ZMIZ1: variants seen among roughly 807,000 people sequenced by gnomAD.
ZMIZ1 encodes zinc finger MIZ-type containing 1.
In ZMIZ1, 17 loss-of-function variants were observed where a neutral mutation model predicts 113.9. The observed-to-expected ratio is 0.15, with a 90% confidence interval of 0.10 to 0.22. The LOEUF is 0.22. Among genes scored for constraint, ZMIZ1 ranks in the 10% least tolerant of loss-of-function variants. ZMIZ1 has a pLI of 1.00. For missense variants in ZMIZ1, 1,059 were observed against 1,477.8 expected, an observed-to-expected ratio of 0.72 and a Z score of 4.65; for synonymous variants, 607 against 603.1, an observed-to-expected ratio of 1.01 and a Z score of -0.09.
At chr10:79,275,998 AT>A (rs1489713605) in intron 7 of ZMIZ1, among the ~76,000 whole-genome samples, 9 of 152,326 alleles carry the variant, frequency 5.9e-5, no homozygotes, top group Admixed American at 5.9e-4. Context: ...GATTCAAAAT[AT>A]GCCTGGCCAC....
At chr10:79,219,928 C>A (rs1377660519) in intron 7 of ZMIZ1, among the ~76,000 whole-genome samples, 1 of 152,164 alleles carries the variant, frequency 6.6e-6, no homozygotes, top group Non-Finnish European at 1.5e-5. Context: ...CCAGCCACCC[C>A]CTGCTTGCCC....
At chr10:79,075,571 A>ATACACATG (rs1564635832) in intron 1 of ZMIZ1, among the ~76,000 whole-genome samples, 35 of 150,598 alleles carry the variant, frequency 2.3e-4, no homozygotes, top group African/African-American at 7.6e-4. Flanking sequence ...ACACACATGC[A>ATACACATG]CACACATGCA....
At chr10:79,091,315 T>C (rs551408530) in intron 1 of ZMIZ1, among the ~76,000 whole-genome samples, 1 of 152,282 alleles carries the variant, frequency 6.6e-6, no homozygotes, top group East Asian at 1.9e-4. Flanking sequence ...ATTTCTAGAC[T>C]CGAGCTGTTC....
At chr10:79,302,896 C>T (rs1300211731) in intron 18 of ZMIZ1, among the ~76,000 whole-genome samples, 2 of 143,272 alleles carry the variant, frequency 1.4e-5, no homozygotes, top group Non-Finnish European at 3.0e-5. Context: ...GAGTCTTGCT[C>T]TGTCGTCCAG....
chr10:79,217,198 C>G (rs1250585), intron 7 of ZMIZ1, among the ~76,000 whole-genome samples: 2 of 151,996 alleles, frequency 1.3e-5, no homozygotes, highest in Non-Finnish European at 2.9e-5. Context: ...CCGAGGCGAG[C>G]AGATCACGAG....
intron 7 of ZMIZ1, among the ~76,000 whole-genome samples, chr10:79,254,429 C>G (rs1267113396): frequency 6.6e-6 from 1 of 152,262 alleles, no homozygotes; most frequent in Admixed American, 6.5e-5. Flanking sequence ...TTTAGGGAAG[C>G]CCCATAAGCC....
intron 2 of ZMIZ1, among the ~76,000 whole-genome samples, chr10:79,135,897 CCCG>C (rs1440536414): frequency 3.3e-5 from 5 of 152,182 alleles, no homozygotes; most frequent in Non-Finnish European, 5.9e-5. Context: ...CACCCACCCA[CCCG>C]CCGCCGCTGT....
intron 1 of ZMIZ1, among the ~76,000 whole-genome samples, chr10:79,103,400 A>G (rs1843439787): frequency 6.6e-6 from 1 of 152,176 alleles, no homozygotes; most frequent in African/African-American, 2.4e-5. Context: ...ACCCAGGCAA[A>G]GGAGCTGGCG....
intron 24 of ZMIZ1, among the ~76,000 whole-genome samples, chr10:79,311,464 C>T (rs1855157035): frequency 6.6e-6 from 1 of 152,162 alleles, no homozygotes; most frequent in Non-Finnish European, 1.5e-5. Context: ...CCTGCGGGGT[C>T]CCTTGCGCAG....
At chr10:79,275,868 A>C (rs1168114795) in intron 7 of ZMIZ1, among the ~76,000 whole-genome samples, 1 of 152,262 alleles carries the variant, frequency 6.6e-6, no homozygotes, top group East Asian at 1.9e-4. Context: ...ATAATAGCTA[A>C]TGATGTCCTA....
chr10:79,139,926 G>C, intron 3 of ZMIZ1, 149 bp downstream of exon 3: 1 of 397,734 alleles, frequency 2.5e-6, no homozygotes. Flanking sequence ...CCTGGCTGCA[G>C]GGCCTCTCTA....
At chr10:79,250,451 C>A (rs1051057260) in intron 7 of ZMIZ1, among the ~76,000 whole-genome samples, 8 of 152,256 alleles carry the variant, frequency 5.3e-5, no homozygotes, top group African/African-American at 1.9e-4. Flanking sequence ...CAGAGAGAAG[C>A]TGCCTGGCTG....
intron 22 of ZMIZ1, among the ~76,000 whole-genome samples, 199 bp downstream of exon 22, chr10:79,306,543 C>G (rs1334353879): frequency 1.3e-5 from 2 of 152,134 alleles, no homozygotes; most frequent in Non-Finnish European, 2.9e-5. Context: ...CAGAGCCTGC[C>G]CTGGTGGGAG....
intron 7 of ZMIZ1, among the ~76,000 whole-genome samples, chr10:79,260,267 G>A (rs1851187792): frequency 6.6e-6 from 1 of 152,232 alleles, no homozygotes; most frequent in Non-Finnish European, 1.5e-5. Flanking sequence ...CCTAGCCCTG[G>A]TAGAGCTTTT....
chr10:79,181,855 C>CCAGCCACCACCACCA (rs1281414790), intron 4 of ZMIZ1, among the ~76,000 whole-genome samples: 2 of 152,224 alleles, frequency 1.3e-5, no homozygotes, highest in African/African-American at 2.4e-5. Context: ...GGCCCGCCTC[C>CCAGCCACCACCACCA]CAGCCACCAC....
At chr10:79,104,576 CTT>C (rs1843486552) in intron 1 of ZMIZ1, among the ~76,000 whole-genome samples, 3 of 152,210 alleles carry the variant, frequency 2.0e-5, no homozygotes, top group Admixed American at 2.0e-4. Flanking sequence ...CGTAGGATGT[CTT>C]TGATTTCCAG....
At position 79,150,421 on chromosome 10, in the gene ZMIZ1, C is replaced by T. The variant is rs563656026; in HGVS notation, c.-131+10644C>T. 7.2e-5 allele frequency among the ~76,000 whole-genome samples: 11 copies of T among 152,366 alleles called. No individual in the cohort carries two copies. In the South Asian group the frequency reaches 1.7e-3, roughly 23 times the overall value. On this transcript the variant is annotated intron_variant, in intron 3 of 24. Coordinates refer to ENST00000334512, the MANE Select transcript of ZMIZ1 (RefSeq NM_020338.4). ...GTGGTGGCAGCTCTGGGCCCACGCC[C>T]GTCCTGCACCCCCCACACATGCTAA... is the stretch of plus-strand genomic sequence containing the variant.
chr10:79,228,072 G>C (rs1231718936), intron 7 of ZMIZ1, among the ~76,000 whole-genome samples: 1 of 152,188 alleles, frequency 6.6e-6, no homozygotes, highest in Admixed American at 6.5e-5. Flanking sequence ...AACCTTGAGG[G>C]CTTCTGTCTC....
chr10:79,097,518 C>T (rs1843212217), intron 1 of ZMIZ1, among the ~76,000 whole-genome samples: 1 of 152,202 alleles, frequency 6.6e-6, no homozygotes, highest in Admixed American at 6.5e-5. Flanking sequence ...AGCAAGCTGC[C>T]TGGAATGCAA....
Sources: gnomAD v4.1 joint callset for allele counts (sites outside exome capture counted in the v4.1 genomes callset) on GRCh38, gnomAD v4.1.1 for gene constraint, MANE v1.5 for transcripts, NCBI Gene and HGNC (gene_info 2026-07-23, HGNC 2026-07-21) for gene names.